Variants in NIPBL observed in about 807,000 individuals in gnomAD.
The protein encoded by NIPBL is NIPBL cohesin loading factor.
NIPBL carries 19 observed loss-of-function variants against 321.8 expected under a neutral mutation model. That is an observed-to-expected ratio of 0.06 (90% CI 0.04 to 0.09). The LOEUF is 0.09. Among genes scored for constraint, NIPBL ranks in the 10% least tolerant of loss-of-function variants. The pLI, the probability that NIPBL is intolerant of heterozygous loss-of-function variation, is 1.00. For missense variants in NIPBL, 2,210 were observed against 3,327.0 expected (o/e 0.66, Z 8.26); for synonymous variants, 1,106 against 1,114.1 (o/e 0.99, Z 0.14).
rs770046183 is a variant in NIPBL at position 37,057,176 on chromosome 5, A to T, written c.7264-10A>T. On this transcript the variant is annotated splice_polypyrimidine_tract_variant and intron_variant, in intron 42 of 46. Transcript: ENST00000282516. Reference sequence around the variant, plus strand: ...CGCTAAACATGTGTGCTTTTTCTTAAAATTTACAGAAAACAGACGTGACTA... The same window carrying T: ...CGCTAAACATGTGTGCTTTTTCTTATAATTTACAGAAAACAGACGTGACTA... The T allele has an allele frequency of 6.2e-7, 1 of 1,612,724 alleles. No individual in the cohort carries two copies.
At chr5:36,888,427 CTTTGTG>C (rs1430175863) in intron 1 of NIPBL, among the ~76,000 whole-genome samples, 1 of 152,008 alleles carries the variant, frequency 6.6e-6, no homozygotes, top group Non-Finnish European at 1.5e-5. Context: ...CATTTCAATA[CTTTGTG>C]TTTATGTGTT....
At chr5:36,905,699 TAAA>T (rs1006373682) in intron 1 of NIPBL, among the ~76,000 whole-genome samples, 1 of 152,192 alleles carries the variant, frequency 6.6e-6, no homozygotes, top group South Asian at 2.1e-4. Flanking sequence ...GAAATTTATC[TAAA>T]AAATAAGAAA....
chr5:36,947,389 A>G (rs909533330), intron 1 of NIPBL, among the ~76,000 whole-genome samples: 1 of 151,990 alleles, frequency 6.6e-6, no homozygotes, highest in Non-Finnish European at 1.5e-5. Flanking sequence ...TTCTGCTTCC[A>G]TCCTCTGTCT....
chr5:36,908,326 C>T (rs1476927895), intron 1 of NIPBL, among the ~76,000 whole-genome samples: 2 of 152,082 alleles, frequency 1.3e-5, no homozygotes, highest in Non-Finnish European at 2.9e-5. Flanking sequence ...CATATGATAG[C>T]CCTCTATCAA....
chr5:36,900,857 A>G (rs1012742937), intron 1 of NIPBL, among the ~76,000 whole-genome samples: 2 of 152,174 alleles, frequency 1.3e-5, no homozygotes, highest in African/African-American at 2.4e-5. Flanking sequence ...TCATTCTTCA[A>G]GTTCCAGCGT....
In NIPBL at chr5:36,876,982, CTA is replaced by C; in HGVS notation, c.-274_-273del. The C allele has an allele frequency of 2.5e-6, 1 of 394,606 alleles. No homozygotes were observed. Among genetic ancestry groups the C allele is most frequent in the Non-Finnish European group, 4.5e-6 (1 of 223,426 alleles). 24.4% of individuals were successfully genotyped at this position (394,606 alleles called of 1,614,324 possible). On this transcript the variant is annotated 5_prime_UTR_variant, in exon 1 of 47. The change abolishes an upstream ATG in the 5' untranslated region. Coordinates refer to ENST00000282516, the MANE Select transcript of NIPBL (RefSeq NM_133433.4). ...CGTGGTCGGGTGTTTGTGAGTGTTTCTATGTGGGAGAAGGAGGAGGAGGAGGA... is the reference window on the plus strand; with the variant it reads ...CGTGGTCGGGTGTTTGTGAGTGTTTCTGTGGGAGAAGGAGGAGGAGGAGGA...
intron 11 of NIPBL, 90 bp from the exon 12 acceptor site, chr5:37,000,283 T>A (rs1746633038): frequency 7.8e-7 from 1 of 1,285,780 alleles, no homozygotes. Context: ...GAATGAAGAT[T>A]TTTTTCCCCA....
chr5:37,047,783 C>T (rs1753130756), intron 38 of NIPBL, among the ~76,000 whole-genome samples: 2 of 152,104 alleles, frequency 1.3e-5, no homozygotes, highest in Non-Finnish European at 2.9e-5. Flanking sequence ...TTGTTTGTTA[C>T]CAATAATACT....
At chr5:36,947,744 T>A (rs1199875910) in intron 1 of NIPBL, among the ~76,000 whole-genome samples, 1 of 151,916 alleles carries the variant, frequency 6.6e-6, no homozygotes, top group Non-Finnish European at 1.5e-5. Flanking sequence ...AATATTCTAA[T>A]CATAATAAAA....
chr5:36,929,872 G>A (rs879783018), intron 1 of NIPBL, among the ~76,000 whole-genome samples: 1 of 151,912 alleles, frequency 6.6e-6, no homozygotes, highest in Admixed American at 6.6e-5. Context: ...GGGCATCTTT[G>A]TGAAAAATCT....
intron 1 of NIPBL, among the ~76,000 whole-genome samples, chr5:36,916,347 C>G (rs1357340967): frequency 6.6e-6 from 1 of 152,170 alleles, no homozygotes. Context: ...AACTTTTTAA[C>G]AATACAATTA....
chr5:37,042,731 G>A (rs1350598013), intron 34 of NIPBL, among the ~76,000 whole-genome samples: 1 of 150,332 alleles, frequency 6.7e-6, no homozygotes, highest in Non-Finnish European at 1.5e-5. Flanking sequence ...TCTGGAGGCT[G>A]AGGAGAATCA....
rs777413835 is a variant in NIPBL at position 37,022,352 on chromosome 5, G to A, written c.5536G>A (p.Ala1846Thr). The A allele has an allele frequency of 9.9e-6, 16 of 1,613,822 alleles. No homozygotes were observed. The South Asian group carries it at 1.8e-4, about 18-fold the overall frequency. Residue 1846 changes from alanine to threonine, a missense_variant, in exon 29 of 47, where the codon GCT (alanine) becomes ACT (threonine). By Grantham distance (58) the Ala-to-Thr change is moderately conservative. Around this residue, in one of 14 missense-constraint regions of NIPBL, gnomAD observed 49 missense variants for 163.6 expected, o/e 0.30. Transcript: ENST00000282516. ...GRFVLCRPQL[A>T]EQYYDMLIER... The stretch of plus-strand genomic sequence containing the variant: ...ATTTGTCCTTTGTCGACCTCAGCTT[G>A]CTGAACAGTATTATGATATGCTGAT...
At chr5:37,018,089 C>T (rs1749195784) in intron 24 of NIPBL, among the ~76,000 whole-genome samples, 1 of 152,074 alleles carries the variant, frequency 6.6e-6, no homozygotes, top group South Asian at 2.1e-4. Context: ...TGGGAACTAA[C>T]AAGTACATTT....
intron 9 of NIPBL, among the ~76,000 whole-genome samples, chr5:36,980,745 A>G (rs754254421): frequency 6.6e-6 from 1 of 151,728 alleles, no homozygotes; most frequent in Non-Finnish European, 1.5e-5. Context: ...ATTTCGCAGA[A>G]TGTATCCTGT....
chr5:37,020,886 G>A lies in NIPBL; in HGVS notation c.5328+9G>A, dbSNP rs1749548437. ...ATATTTATTTGACACAGGTAAACTG[G>A]ATAAGAATTCCTTATACAGTGATAT... is the stretch of plus-strand genomic sequence containing the variant. On this transcript the variant is annotated intron_variant, in intron 27 of 46. Transcript: ENST00000282516. 1 of 1,551,948 alleles carries A rather than the reference G, an allele frequency of 6.4e-7. No homozygotes were observed.
At chr5:37,014,659 TA>T in intron 21 of NIPBL, 23 bp from the exon 22 acceptor site, 2 of 1,427,026 alleles carry the variant, frequency 1.4e-6, no homozygotes, top group Non-Finnish European at 2.0e-6. Flanking sequence ...TGTATCTTTA[TA>T]AACTCACTTT....
chr5:36,956,467 C>T (rs1363929538), intron 3 of NIPBL, among the ~76,000 whole-genome samples: 1 of 151,818 alleles, frequency 6.6e-6, no homozygotes, highest in Non-Finnish European at 1.5e-5. Context: ...ATTTTTGGGG[C>T]ATTTTTAAAG....
At chr5:36,906,705 C>T (rs1223831394) in intron 1 of NIPBL, among the ~76,000 whole-genome samples, 1 of 152,126 alleles carries the variant, frequency 6.6e-6, no homozygotes, top group Non-Finnish European at 1.5e-5. Context: ...GTCTAGTTAT[C>T]TTATTAAGTC....
Sources: gnomAD v4.1 joint callset for allele counts (sites outside exome capture counted in the v4.1 genomes callset) on GRCh38, gnomAD v4.1.1 for gene constraint, gnomAD v4.1.1 regional missense constraint, MANE v1.5 for transcripts, NCBI Gene and HGNC (gene_info 2026-07-23, HGNC 2026-07-21) for gene names.